Variants in SPTBN1 observed in about 807,000 individuals in gnomAD.
The protein encoded by SPTBN1 is spectrin beta, non-erythrocytic 1.
In SPTBN1, 32 loss-of-function variants were observed where a neutral mutation model predicts 266.4. The ratio of observed to expected loss-of-function variants is 0.12; its 90% confidence interval spans 0.09 to 0.16. The LOEUF is 0.16. SPTBN1 is among the 10% of genes least tolerant of loss of function. The pLI is 1.00. For missense variants in SPTBN1, 2,296 were observed against 3,067.1 expected (o/e 0.75, Z 5.94); for synonymous variants, 1,336 against 1,162.2 (o/e 1.15, Z -3.04).
At chr2:54,655,304 A>C (rs1232992328) in intron 28 of SPTBN1, 96 bp downstream of exon 28, 2 of 1,450,336 alleles carry the variant, frequency 1.4e-6, no homozygotes, top group Non-Finnish European at 1.9e-6. Context: ...CTGTGTTTAC[A>C]TTCTTATACA....
intron 1 of SPTBN1, chr2:54,457,181 C>T (rs1198852259): frequency 7.0e-6 from 1 of 142,596 alleles, no homozygotes; most frequent in African/African-American, 2.5e-5. Flanking sequence ...CTGCCGTCCC[C>T]ACTCTCCCAG....
In SPTBN1 at chr2:54,558,973, C is replaced by T; in HGVS notation, c.148+32407C>T. The T allele has an allele frequency of 2.7e-6, 4 of 1,482,800 alleles. No homozygotes were observed. The highest frequency in any genetic ancestry group is 3.6e-6 in the Non-Finnish European group (4 of 1,097,088). 91.9% of individuals were successfully genotyped at this position (1,482,800 alleles called of 1,614,324 possible). ...TATTTGTGACCCTAATGAAGACGGG[C>T]GGCTTCACAGCTCGGCCCCAGACCC... On this transcript the variant is annotated intron_variant, in intron 2 of 35. Transcript: ENST00000356805. The surrounding 1 kb of genome is among the most constrained non-coding windows in gnomAD (Gnocchi z 4.6).
At chr2:54,616,665 A>G (rs1296368422) in intron 5 of SPTBN1, among the ~76,000 whole-genome samples, 1 of 152,224 alleles carries the variant, frequency 6.6e-6, no homozygotes, top group Admixed American at 6.5e-5. Flanking sequence ...CTTTCTTTGC[A>G]CAGTAAACAA....
chr2:54,609,682 G>T (rs1377747295), intron 3 of SPTBN1, among the ~76,000 whole-genome samples: 1 of 152,136 alleles, frequency 6.6e-6, no homozygotes, highest in African/African-American at 2.4e-5. Context: ...AGTGCCTTCA[G>T]TGTTGAACTC....
intron 1 of SPTBN1, among the ~76,000 whole-genome samples, chr2:54,475,876 A>G (rs370810510): frequency 6.6e-6 from 1 of 152,176 alleles, no homozygotes; most frequent in Non-Finnish European, 1.5e-5. Flanking sequence ...TGATGCTTCA[A>G]ATTAGTCCAT....
intron 17 of SPTBN1, among the ~76,000 whole-genome samples, chr2:54,634,692 C>T (rs1177974643): frequency 6.6e-6 from 1 of 152,164 alleles, no homozygotes; most frequent in Non-Finnish European, 1.5e-5. Context: ...CAGATATAAT[C>T]CCCGCTCCTC....
At position 54,664,260 on chromosome 2, in the gene SPTBN1, CG is replaced by C. The variant is rs1681231702; in HGVS notation, c.6421-190del. On this transcript the variant is annotated intron_variant, in intron 32 of 35. Coordinates refer to ENST00000356805, the MANE Select transcript of SPTBN1 (RefSeq NM_003128.3). This position sits in a 1 kb window ranked among gnomAD's most constrained non-coding sequence, Gnocchi z 5.6. ...CTTTTCTCATTTCCCTGTAAATGGGCGGGTATTAATCCATTCCCACCTTCTA... is the reference window on the plus strand; with the variant it reads ...CTTTTCTCATTTCCCTGTAAATGGGCGGTATTAATCCATTCCCACCTTCTA... The C allele has an allele frequency of 1.3e-5, 8 of 593,182 alleles. No homozygotes were observed. In the South Asian group the frequency reaches 2.1e-4, roughly 16 times the overall value. 36.7% of individuals were successfully genotyped at this position (593,182 alleles called of 1,614,324 possible). A position where few individuals can be genotyped will look rare whatever the true frequency, so the allele number is the denominator to read the frequency against.
chr2:54,512,755 G>C (rs531839455), intron 1 of SPTBN1, among the ~76,000 whole-genome samples: 68 of 152,298 alleles, frequency 4.5e-4, no homozygotes, highest in Non-Finnish European at 8.7e-4. Context: ...GGGATCCAAA[G>C]TACATACTAT....
chr2:54,574,808 T>C (rs1487451087), intron 2 of SPTBN1, among the ~76,000 whole-genome samples: 1 of 152,214 alleles, frequency 6.6e-6, no homozygotes, highest in Admixed American at 6.5e-5. Flanking sequence ...TTCTTTCTCC[T>C]GCATCAAACA....
intron 1 of SPTBN1, among the ~76,000 whole-genome samples, chr2:54,477,870 C>T (rs74351288): frequency 0.22 from 32,952 of 151,538 alleles, 4,587 homozygotes; most frequent in East Asian, 0.37. Flanking sequence ...AAGATCATGC[C>T]GCTGCATTCC....
chr2:54,591,715 A>G lies in SPTBN1; in HGVS notation c.149-7377A>G, dbSNP rs186995428. Among the ~76,000 whole-genome samples, 302 of 152,210 alleles carry G rather than the reference A, an allele frequency of 2.0e-3. 3 individuals are homozygous for G. Among genetic ancestry groups the G allele is most frequent in the Non-Finnish European group, 2.8e-3 (193 of 68,004 alleles). Reference sequence around the variant, plus strand: ...ACCAGAACTGTGGCATATGGTGAATATAGTTGTGTTTAGCACTCTGTGCTG... The same window carrying G: ...ACCAGAACTGTGGCATATGGTGAATGTAGTTGTGTTTAGCACTCTGTGCTG... On this transcript the variant is annotated intron_variant, in intron 2 of 35. Transcript: ENST00000356805.
chr2:54,641,017 A>T lies in SPTBN1; in HGVS notation c.3859-1966A>T, dbSNP rs1247812901. 2.0e-5 allele frequency among the ~76,000 whole-genome samples: 3 copies of T among 152,236 alleles called. No individual in the cohort carries two copies. The East Asian group carries it at 5.8e-4, about 29-fold the overall frequency. ...TGTGTCTGGTACAGGGATGTGAGTTAGTCCTTTACTGTTAGCTTGATTCAA... is the reference window on the plus strand; with the variant it reads ...TGTGTCTGGTACAGGGATGTGAGTTTGTCCTTTACTGTTAGCTTGATTCAA... On this transcript the variant is annotated intron_variant, in intron 18 of 35. Transcript: ENST00000356805.
intron 2 of SPTBN1, among the ~76,000 whole-genome samples, chr2:54,531,188 G>T (rs1390649795): frequency 6.6e-6 from 1 of 152,180 alleles, no homozygotes; most frequent in Non-Finnish European, 1.5e-5. Context: ...ACCTGAGGGG[G>T]TTCTTGGGAA....
intron 8 of SPTBN1, 105 bp from the exon 9 acceptor site, chr2:54,622,194 GT>G: frequency 3.2e-6 from 4 of 1,265,512 alleles, no homozygotes; most frequent in Non-Finnish European, 4.4e-6. Flanking sequence ...TGGCCAAACT[GT>G]TTCAAAGCCG....
intron 29 of SPTBN1, among the ~76,000 whole-genome samples, chr2:54,657,414 G>T (rs1303868765): frequency 6.6e-6 from 1 of 152,202 alleles, no homozygotes; most frequent in Non-Finnish European, 1.5e-5. Flanking sequence ...GTAGACCTGC[G>T]CTGAGCAGTA....
Position 54,642,547 on chromosome 2 carries a change from T to TTA in SPTBN1, c.3859-436_3859-435insTA, listed in dbSNP as rs397968862. Among the ~76,000 whole-genome samples, 7 of 151,204 alleles carry TTA rather than the reference T, an allele frequency of 4.6e-5. No homozygotes were observed. In the East Asian group the frequency reaches 9.6e-4, roughly 21 times the overall value. ...ATAAGTAGTTTTTTTTTTTTTTTTT[T>TTA]AATAAAAAGAACTAAGAGAGTAAGA... On this transcript the variant is annotated intron_variant, in intron 18 of 35. Transcript: ENST00000356805.
chr2:54,597,552 G>T (rs1676171986), intron 2 of SPTBN1, among the ~76,000 whole-genome samples: 1 of 152,226 alleles, frequency 6.6e-6, no homozygotes, highest in South Asian at 2.1e-4. Context: ...ACCTCAAGGA[G>T]CCGCTGACTG....
rs1359323595 is a variant in SPTBN1 at position 54,626,551 on chromosome 2, G to A, written c.1644+317G>A. ...GTTTTCAGGGTTAAACTAACTTACCGTTTCATTGATCTGTGAGTGAGTGGT... is the reference window on the plus strand; with the variant it reads ...GTTTTCAGGGTTAAACTAACTTACCATTTCATTGATCTGTGAGTGAGTGGT... On this transcript the variant is annotated intron_variant, in intron 12 of 35. Coordinates refer to ENST00000356805, the MANE Select transcript of SPTBN1 (RefSeq NM_003128.3). This position sits in a 1 kb window ranked among gnomAD's most constrained non-coding sequence, Gnocchi z 4.7. Among the ~76,000 whole-genome samples the A allele has an allele frequency of 2.0e-5, 3 of 152,222 alleles. No individual in the cohort carries two copies. Among genetic ancestry groups the A allele is most frequent in the South Asian group, 2.1e-4 (1 of 4,808 alleles).
At chr2:54,622,198 CA>C in intron 8 of SPTBN1, 101 bp from the exon 9 acceptor site, 1 of 1,302,874 alleles carries the variant, frequency 7.7e-7, no homozygotes, top group Non-Finnish European at 1.1e-6. Context: ...CAAACTGTTT[CA>C]AAGCCGGTCG....
Sources: allele counts gnomAD v4.1 joint callset (sites outside exome capture counted in the v4.1 genomes callset), GRCh38; gene constraint gnomAD v4.1.1; non-coding constraint Gnocchi (gnomAD v3.1); transcripts MANE v1.5; gene names NCBI Gene and HGNC (gene_info 2026-07-23, HGNC 2026-07-21).